Variants in CHD6 observed in about 807,000 individuals in gnomAD.
The protein encoded by CHD6 is ATP-dependent chromatin remodeler CHD6.
In CHD6, 50 loss-of-function variants were observed where a neutral mutation model predicts 276.9. The ratio of observed to expected loss-of-function variants is 0.18; its 90% confidence interval spans 0.14 to 0.23. The LOEUF (loss-of-function observed/expected upper bound fraction) is 0.23. CHD6 is among the 10% of genes least tolerant of loss of function. The pLI, the probability that CHD6 is intolerant of heterozygous loss-of-function variation, is 1.00. For missense variants in CHD6, 2,564 were observed against 3,365.8 expected, an observed-to-expected ratio of 0.76 and a Z score of 5.89; for synonymous variants, 1,173 against 1,229.3, an observed-to-expected ratio of 0.95 and a Z score of 0.96.
At chr20:41,548,899 T>C (rs998733335) in intron 2 of CHD6, among the ~76,000 whole-genome samples, 12 of 151,852 alleles carry the variant, frequency 7.9e-5, no homozygotes, top group African/African-American at 2.4e-4. Flanking sequence ...AAAATGCTCA[T>C]CATCACTGGC....
At chr20:41,515,899 C>A (rs1459361073) in intron 3 of CHD6, among the ~76,000 whole-genome samples, 3 of 152,070 alleles carry the variant, frequency 2.0e-5, no homozygotes, top group Non-Finnish European at 2.9e-5. Flanking sequence ...TTTAAGCAAG[C>A]CTTAAAACTG....
At chr20:41,436,259 T>C (rs778420644) in intron 27 of CHD6, among the ~76,000 whole-genome samples, 10 of 152,146 alleles carry the variant, frequency 6.6e-5, no homozygotes, top group Non-Finnish European at 1.3e-4. Context: ...TAAAAGATCT[T>C]CAACATCATT....
chr20:41,486,005 T>C (rs2043405281), intron 14 of CHD6: 1 of 152,028 alleles, frequency 6.6e-6, no homozygotes, highest in East Asian at 1.9e-4. Context: ...AAAAAGAAGT[T>C]TTGATGTCAT....
intron 1 of CHD6, among the ~76,000 whole-genome samples, chr20:41,580,954 C>A (rs1267873170): frequency 6.6e-6 from 1 of 152,168 alleles, no homozygotes; most frequent in African/African-American, 2.4e-5. Context: ...TTAATCAGCT[C>A]TGCTCCCTTT....
chr20:41,591,415 T>C (rs982998403), intron 1 of CHD6, among the ~76,000 whole-genome samples: 256 of 142,268 alleles, frequency 1.8e-3, no homozygotes, highest in African/African-American at 6.5e-3. Flanking sequence ...CACATATATA[T>C]ATACATATAT....
intron 17 of CHD6, among the ~76,000 whole-genome samples, chr20:41,465,420 C>G (rs1248254934): frequency 6.6e-6 from 1 of 152,120 alleles, no homozygotes; most frequent in Non-Finnish European, 1.5e-5. Context: ...AAGAAAACAT[C>G]AGGCAAATAC....
intron 1 of CHD6, among the ~76,000 whole-genome samples, chr20:41,584,681 T>G (rs1373029739): frequency 2.0e-5 from 3 of 151,922 alleles, no homozygotes; most frequent in Non-Finnish European, 4.4e-5. Flanking sequence ...AATCCATAAA[T>G]AAAAATAAAA....
chr20:41,478,332 T>C (rs376177833), intron 16 of CHD6, among the ~76,000 whole-genome samples: 8 of 152,094 alleles, frequency 5.3e-5, no homozygotes, highest in African/African-American at 1.9e-4. Context: ...CTCTAGCAAA[T>C]GACAAATTCT....
At chr20:41,606,496 G>A (rs1299958990) in intron 1 of CHD6, among the ~76,000 whole-genome samples, 3 of 150,662 alleles carry the variant, frequency 2.0e-5, no homozygotes, top group South Asian at 4.2e-4. Context: ...CCTGGGCGAC[G>A]GAGCGAGACT....
chr20:41,468,316 G>C (rs1290411425), intron 17 of CHD6, among the ~76,000 whole-genome samples: 2 of 151,968 alleles, frequency 1.3e-5, no homozygotes, highest in African/African-American at 4.8e-5. Flanking sequence ...CACGATATTG[G>C]CCAGGCTGGT....
intron 1 of CHD6, among the ~76,000 whole-genome samples, chr20:41,575,824 A>G (rs1362711174): frequency 6.6e-6 from 1 of 152,222 alleles, no homozygotes; most frequent in African/African-American, 2.4e-5. Flanking sequence ...CATTAATGAA[A>G]CTAAAGAATC....
At chr20:41,581,213 T>A (rs1230334761) in intron 1 of CHD6, among the ~76,000 whole-genome samples, 1 of 152,214 alleles carries the variant, frequency 6.6e-6, no homozygotes, top group Non-Finnish European at 1.5e-5. Flanking sequence ...GGTACGGTAC[T>A]ATTATTGTTC....
intron 5 of CHD6, among the ~76,000 whole-genome samples, chr20:41,501,556 C>T (rs749486176): frequency 3.3e-5 from 5 of 152,148 alleles, no homozygotes; most frequent in Non-Finnish European, 5.9e-5. Context: ...ATCCACTCTA[C>T]TGTTGAGGAA....
At chr20:41,537,774 T>C (rs2044864042) in intron 2 of CHD6, among the ~76,000 whole-genome samples, 1 of 152,140 alleles carries the variant, frequency 6.6e-6, no homozygotes, top group African/African-American at 2.4e-5. Context: ...CTTTCATACA[T>C]TGTTGGTGGG....
chr20:41,613,261 A>G lies in CHD6; in HGVS notation c.-24+5079T>C, dbSNP rs548478132. 7.9e-5 allele frequency among the ~76,000 whole-genome samples: 12 copies of G among 152,296 alleles called. No individual in the cohort carries two copies. In the South Asian group the frequency reaches 8.3e-4, roughly 11 times the overall value. The stretch of plus-strand genomic sequence containing the variant: ...TCTTTTAATTCTTCTTCTTCAATGT[A>G]AGAAAGAAAAACCCTTTTCCTCCTA... On this transcript the variant is annotated intron_variant, in intron 1 of 36. Coordinates refer to ENST00000373233, the MANE Select transcript of CHD6 (RefSeq NM_032221.5).
intron 3 of CHD6, among the ~76,000 whole-genome samples, chr20:41,523,883 G>C (rs752028806): frequency 1.1e-4 from 16 of 152,096 alleles, no homozygotes; most frequent in Non-Finnish European, 2.2e-4. Context: ...TCCAGGTATT[G>C]AAAGCTCTTA....
At position 41,421,866 on chromosome 20, in the gene CHD6, T is replaced by C. The variant is rs998819512; in HGVS notation, c.4769A>G (p.Lys1590Arg). Residue 1590 changes from lysine to arginine, a missense_variant, in exon 31 of 37, where the codon AAA becomes AGA. Physicochemically the swap from Lys to Arg is conservative, Grantham distance 26. Coordinates refer to ENST00000373233, the MANE Select transcript of CHD6 (RefSeq NM_032221.5). ...ACAGTCAGTGCGGTTCAGCCCATGTTTGGCAGTGCCGATGAGCAGGTCTCG... is the reference window on the plus strand; with the variant it reads ...ACAGTCAGTGCGGTTCAGCCCATGTCTGGCAGTGCCGATGAGCAGGTCTCG... ...HDRDLLIGTA[K>R]HGLNRTDCYI... is the part of the protein sequence containing the mutation. 4 of 1,614,038 alleles carry C rather than the reference T, an allele frequency of 2.5e-6. No individual in the cohort carries two copies. The highest frequency in any genetic ancestry group is 3.3e-4 in the Middle Eastern group (2 of 6,084).
intron 1 of CHD6, among the ~76,000 whole-genome samples, chr20:41,556,033 C>T (rs1261696252): frequency 2.6e-5 from 4 of 152,240 alleles, no homozygotes; most frequent in Non-Finnish European, 5.9e-5. Context: ...GCGGATCACT[C>T]GCGGTTAGGA....
chr20:41,487,722 CTG>C lies in CHD6; in HGVS notation c.1942_1943del (p.Gln648ValfsTer38). ...FSLLNFLEPS[Q>X]FPSETAFLEE... The stretch of plus-strand genomic sequence containing the variant: ...CCAAGAAAGCGGTCTCTGAAGGAAA[CTG>C]TGATGGCTCCAGAAAATTTAACAAA... On this transcript the variant is annotated frameshift_variant, in exon 14 of 37. Transcript: ENST00000373233. LOFTEE classifies it high-confidence loss of function. 1 of 1,612,340 alleles carries C rather than the reference CTG, an allele frequency of 6.2e-7. No individual in the cohort carries two copies. The highest frequency in any genetic ancestry group is 8.5e-7 in the Non-Finnish European group (1 of 1,179,582).
Sources: allele counts gnomAD v4.1 joint callset (sites outside exome capture counted in the v4.1 genomes callset), GRCh38; gene constraint gnomAD v4.1.1; transcripts MANE v1.5; gene names NCBI Gene and HGNC (gene_info 2026-07-23, HGNC 2026-07-21).